PTPRM: variants seen among roughly 807,000 people sequenced by gnomAD.
The protein encoded by PTPRM is receptor-type tyrosine-protein phosphatase mu.
A neutral mutation model predicts 186.7 loss-of-function variants in PTPRM; 47 were observed. The observed-to-expected ratio is 0.25, with a 90% CI of 0.20 to 0.32. PTPRM has a LOEUF of 0.32. Ranked by LOEUF, PTPRM falls within the 10% of genes least tolerant of loss-of-function variation. PTPRM has a pLI of 1.00. For missense variants in PTPRM, 1,494 were observed against 1,865.0 expected (o/e 0.80, Z 3.66); for synonymous variants, 668 against 674.9 (o/e 0.99, Z 0.16).
chr18:8,222,921 C>T (rs1326679294), intron 14 of PTPRM, among the ~76,000 whole-genome samples: 2 of 151,336 alleles, frequency 1.3e-5, no homozygotes, highest in Non-Finnish European at 2.9e-5. Context: ...GACCCCCCAT[C>T]TCAAAAATAG....
At position 8,214,724 on chromosome 18, in the gene PTPRM, C is replaced by T. The variant is rs142836379; in HGVS notation, c.2301-29334C>T. 4.7e-3 allele frequency among the ~76,000 whole-genome samples: 717 copies of T among 152,204 alleles called. 1 individual carries two copies. The highest frequency in any genetic ancestry group is 0.016 in the African/African-American group (676 of 41,528). On this transcript the variant is annotated intron_variant, in intron 14 of 32. Coordinates refer to ENST00000580170, the MANE Select transcript of PTPRM (RefSeq NM_001105244.2). ...TGTCACCCAGGCTGGAGTGCAATGG[C>T]GCAATCTCGGTCCACTGCAACTTCA... is the stretch of plus-strand genomic sequence containing the variant.
intron 7 of PTPRM, among the ~76,000 whole-genome samples, chr18:8,047,158 C>T (rs955477380): frequency 9.2e-5 from 14 of 151,994 alleles, no homozygotes; most frequent in East Asian, 1.9e-4. Flanking sequence ...ATTTTCAACA[C>T]GGTAAGAATC....
chr18:7,639,187 G>C (rs776570201), intron 1 of PTPRM, among the ~76,000 whole-genome samples: 1 of 152,092 alleles, frequency 6.6e-6, no homozygotes, highest in Non-Finnish European at 1.5e-5. Context: ...CCATTCTCCT[G>C]CCTCAGCCTC....
chr18:8,118,248 G>A (rs1283350521), intron 13 of PTPRM, among the ~76,000 whole-genome samples: 1 of 152,104 alleles, frequency 6.6e-6, no homozygotes. Flanking sequence ...GTTTGTCCTT[G>A]GCAGTATAGC....
At chr18:8,282,332 A>G (rs988865956) in intron 19 of PTPRM, among the ~76,000 whole-genome samples, 3 of 152,332 alleles carry the variant, frequency 2.0e-5, no homozygotes, top group African/African-American at 7.2e-5. Flanking sequence ...GTGAACTGGT[A>G]CAGCCACTCT....
chr18:8,255,280 G>T (rs1201325332), intron 19 of PTPRM, among the ~76,000 whole-genome samples: 1 of 152,182 alleles, frequency 6.6e-6, no homozygotes, highest in Non-Finnish European at 1.5e-5. Flanking sequence ...AAAGAGATTA[G>T]TTTTAGGCTC....
chr18:8,196,209 G>T (rs114248735), intron 14 of PTPRM, among the ~76,000 whole-genome samples: 1 of 152,198 alleles, frequency 6.6e-6, no homozygotes, highest in African/African-American at 2.4e-5. Context: ...AACTCGGGGA[G>T]TGGGGCCTGT....
intron 4 of PTPRM, among the ~76,000 whole-genome samples, chr18:7,924,638 A>G (rs764800163): frequency 6.6e-6 from 1 of 152,212 alleles, no homozygotes; most frequent in African/African-American, 2.4e-5. Flanking sequence ...ATTGTAAGTA[A>G]TATGAATTTA....
intron 3 of PTPRM, among the ~76,000 whole-genome samples, chr18:7,891,096 G>A (rs2146382478): frequency 6.8e-6 from 1 of 147,886 alleles, no homozygotes; most frequent in East Asian, 2.0e-4. Context: ...GGGCAACATG[G>A]CGAAATCCAG....
chr18:8,075,098 A>T (rs1278980595), intron 8 of PTPRM, among the ~76,000 whole-genome samples: 1 of 152,132 alleles, frequency 6.6e-6, no homozygotes, highest in African/African-American at 2.4e-5. Context: ...ATCCAACTTC[A>T]TTCTTGTGCA....
At chr18:7,824,507 T>C (rs1264202500) in intron 2 of PTPRM, among the ~76,000 whole-genome samples, 1 of 152,216 alleles carries the variant, frequency 6.6e-6, no homozygotes, top group Non-Finnish European at 1.5e-5. Flanking sequence ...TTTATAAAAT[T>C]ACTTTTATTG....
intron 13 of PTPRM, among the ~76,000 whole-genome samples, chr18:8,140,525 C>T (rs1018818339): frequency 8.6e-5 from 13 of 150,916 alleles, no homozygotes; most frequent in African/African-American, 2.9e-4. Flanking sequence ...GAATACCACT[C>T]TTTTTTATTT....
At chr18:8,143,374 A>G (rs539021822) in intron 13 of PTPRM, among the ~76,000 whole-genome samples, 2 of 151,494 alleles carry the variant, frequency 1.3e-5, no homozygotes, top group African/African-American at 4.8e-5. Context: ...TATTTTTCTA[A>G]AAAAAAAATG....
chr18:8,182,734 C>T (rs2093592841), intron 14 of PTPRM, among the ~76,000 whole-genome samples: 1 of 152,204 alleles, frequency 6.6e-6, no homozygotes, highest in African/African-American at 2.4e-5. Flanking sequence ...ACTTTGATCG[C>T]TTTCTTGTCT....
At chr18:7,948,641 TG>T (rs1251728489) in intron 5 of PTPRM, among the ~76,000 whole-genome samples, 1 of 152,222 alleles carries the variant, frequency 6.6e-6, no homozygotes, top group Non-Finnish European at 1.5e-5. Flanking sequence ...TAATTCTGTT[TG>T]GTTTTGTATA....
intron 1 of PTPRM, among the ~76,000 whole-genome samples, chr18:7,708,536 A>G (rs750868007): frequency 6.6e-6 from 1 of 152,176 alleles, no homozygotes; most frequent in Non-Finnish European, 1.5e-5. Context: ...TTTCACCTGA[A>G]CATTTTTACA....
chr18:7,995,109 T>C (rs2083465388), intron 7 of PTPRM, among the ~76,000 whole-genome samples: 1 of 151,738 alleles, frequency 6.6e-6, no homozygotes, highest in Non-Finnish European at 1.5e-5. Context: ...CAAAAAAAAT[T>C]AGAACAAAAA....
Position 8,376,040 on chromosome 18 carries a change from C to T in PTPRM, c.3172-6C>T. ...CTTCCTTGTTCTGGCTAACCAACTACTGCAGAGAGGTGTGCATGAAATCCG... is the reference window on the plus strand; with the variant it reads ...CTTCCTTGTTCTGGCTAACCAACTATTGCAGAGAGGTGTGCATGAAATCCG... On this transcript the variant is annotated splice_region_variant and splice_polypyrimidine_tract_variant and intron_variant, in intron 24 of 32. Coordinates refer to ENST00000580170, the MANE Select transcript of PTPRM (RefSeq NM_001105244.2). 6.2e-7 allele frequency: 1 copy of T among 1,603,872 alleles called. No homozygotes were observed. The highest frequency in any genetic ancestry group is 1.7e-4 in the Middle Eastern group (1 of 6,032).
At chr18:7,665,412 T>C (rs536293260) in intron 1 of PTPRM, among the ~76,000 whole-genome samples, 1 of 152,314 alleles carries the variant, frequency 6.6e-6, no homozygotes, top group East Asian at 1.9e-4. Context: ...TTCATTTACA[T>C]AGATATATGC....
Sources: gnomAD v4.1 joint callset for allele counts (sites outside exome capture counted in the v4.1 genomes callset) on GRCh38, gnomAD v4.1.1 for gene constraint, MANE v1.5 for transcripts, NCBI Gene and HGNC (gene_info 2026-07-23, HGNC 2026-07-21) for gene names.